Variants in CRPPA observed in about 807,000 individuals in gnomAD.
CRPPA encodes the protein D-ribitol-5-phosphate cytidylyltransferase.
In CRPPA, 43 loss-of-function variants were observed where a neutral mutation model predicts 52.0. That is an observed-to-expected ratio of 0.83 (90% confidence interval 0.65 to 1.07). The LOEUF (loss-of-function observed/expected upper bound fraction) is 1.07. Ranked by LOEUF, CRPPA falls within the 50% of genes least tolerant of loss-of-function variation. The pLI is 0.00. For missense variants in CRPPA, 629 were observed against 551.7 expected, an observed-to-expected ratio of 1.14 and a Z score of -1.40; for synonymous variants, 250 against 203.5, an observed-to-expected ratio of 1.23 and a Z score of -1.94.
intron 8 of CRPPA, among the ~76,000 whole-genome samples, chr7:16,218,999 G>T (rs1172303311): frequency 6.6e-6 from 1 of 152,038 alleles, no homozygotes. Context: ...ATTTTTTTCA[G>T]CACCACACCA....
intron 4 of CRPPA, among the ~76,000 whole-genome samples, chr7:16,303,491 A>AACAAAAAAAAAC (rs1554317852): frequency 8.0e-6 from 1 of 124,936 alleles, no homozygotes; most frequent in Admixed American, 9.9e-5. Flanking sequence ...AAAAAAAAAA[A>AACAAAAAAAAAC]AAAAAAAAAA....
chr7:16,328,488 G>GCTCT (rs111494255), intron 3 of CRPPA, among the ~76,000 whole-genome samples: 68,178 of 151,508 alleles, frequency 0.45, 15,542 homozygotes, highest in South Asian at 0.59. Flanking sequence ...CAGATAAATA[G>GCTCT]CTATCTCCAG....
intron 2 of CRPPA, among the ~76,000 whole-genome samples, chr7:16,396,835 T>C (rs1383875559): frequency 6.6e-6 from 1 of 152,250 alleles, no homozygotes; most frequent in Non-Finnish European, 1.5e-5. Context: ...GAATACGCTA[T>C]ACGTATGTGA....
rs1010230095 is a variant in CRPPA at position 16,308,755 on chromosome 7, C to T, written c.685-128G>A. On this transcript the variant is annotated intron_variant, in intron 3 of 9. Coordinates refer to ENST00000407010, the MANE Select transcript of CRPPA (RefSeq NM_001101426.4). ...GGGGCTCAAACTATTTAATCAGCTA[C>T]TGACTGAGTTATAACATCCCCATTA... is the stretch of plus-strand genomic sequence containing the variant. 2.4e-5 allele frequency: 15 copies of T among 633,076 alleles called. No homozygotes were observed. In the African/African-American group the frequency reaches 2.7e-4, roughly 12 times the overall value. 39.2% of individuals were successfully genotyped at this position (633,076 alleles called of 1,614,324 possible).
chr7:16,379,749 C>A (rs1475115744), intron 2 of CRPPA, among the ~76,000 whole-genome samples: 2 of 152,116 alleles, frequency 1.3e-5, no homozygotes, highest in Non-Finnish European at 2.9e-5. Context: ...TCCTTTGAAG[C>A]AATTGTGAAT....
intron 1 of CRPPA, among the ~76,000 whole-genome samples, chr7:16,411,135 A>T (rs531967222): frequency 6.6e-6 from 1 of 152,336 alleles, no homozygotes; most frequent in African/African-American, 2.4e-5. Flanking sequence ...CCAGGCAATC[A>T]ATGTGTAGAA....
chr7:16,119,142 G>A lies in CRPPA; in HGVS notation c.1252-27343C>T, dbSNP rs114935881. On this transcript the variant is annotated intron_variant, in intron 9 of 9. Transcript: ENST00000407010. ...AACCCACATTTTCCAACCCTTGACC[G>A]TCCTAGATTCATCACTTAACTGCTT... is the stretch of plus-strand genomic sequence containing the variant. Among the ~76,000 whole-genome samples, 445 of 152,096 alleles carry A rather than the reference G, an allele frequency of 2.9e-3. 2 individuals carry two copies. The highest frequency in any genetic ancestry group is 9.9e-3 in the African/African-American group (412 of 41,520).
At chr7:16,182,654 T>C (rs78184171) in intron 9 of CRPPA, among the ~76,000 whole-genome samples, 2 of 152,210 alleles carry the variant, frequency 1.3e-5, no homozygotes, top group South Asian at 4.1e-4. Flanking sequence ...CCCAAATAAC[T>C]GTATTTGTTT....
chr7:16,093,461 G>A (rs1781877581), intron 9 of CRPPA, among the ~76,000 whole-genome samples: 1 of 152,150 alleles, frequency 6.6e-6, no homozygotes, highest in African/African-American at 2.4e-5. Flanking sequence ...CTATGAGGAT[G>A]ACGGTGAGAG....
rs73291855 is a variant in CRPPA, at chr7:16,120,348, T to A, written c.1252-28549A>T. Among the ~76,000 whole-genome samples the A allele has an allele frequency of 3.0e-3, 451 of 152,268 alleles. 2 individuals carry two copies. Among genetic ancestry groups the A allele is most frequent in the African/African-American group, 0.011 (439 of 41,574 alleles). Reference sequence around the variant, plus strand: ...CCACCATCTTCCAGGTGCTATCTCATCACCCTGGTCTGCCTTCAATAAGAA... The same window carrying A: ...CCACCATCTTCCAGGTGCTATCTCAACACCCTGGTCTGCCTTCAATAAGAA... On this transcript the variant is annotated intron_variant, in intron 9 of 9. Coordinates refer to ENST00000407010, the MANE Select transcript of CRPPA (RefSeq NM_001101426.4).
chr7:16,327,510 G>A (rs1042851668), intron 3 of CRPPA, among the ~76,000 whole-genome samples: 3 of 148,970 alleles, frequency 2.0e-5, no homozygotes, highest in African/African-American at 7.4e-5. Flanking sequence ...GGAGAATGGC[G>A]TGAACCTGGG....
Position 16,212,973 on chromosome 7 carries a change from T to C in CRPPA, c.1251+3093A>G, listed in dbSNP as rs149906383. 6.6e-5 allele frequency among the ~76,000 whole-genome samples: 10 copies of C among 152,358 alleles called. No individual in the cohort carries two copies. In the East Asian group the frequency reaches 1.9e-3, roughly 29 times the overall value. On this transcript the variant is annotated intron_variant, in intron 9 of 9. Coordinates refer to ENST00000407010, the MANE Select transcript of CRPPA (RefSeq NM_001101426.4). Reference sequence around the variant, plus strand: ...TGCACAGGTTAAAGATAAAACTGCTTACAGCACTTTAGATATTTTACAGGC... The same window carrying C: ...TGCACAGGTTAAAGATAAAACTGCTCACAGCACTTTAGATATTTTACAGGC...
At chr7:16,231,977 G>A (rs1046847797) in intron 8 of CRPPA, among the ~76,000 whole-genome samples, 3 of 152,266 alleles carry the variant, frequency 2.0e-5, no homozygotes, top group Admixed American at 6.5e-5. Context: ...GAGAGATGAA[G>A]TTAAGAATCT....
intron 9 of CRPPA, among the ~76,000 whole-genome samples, chr7:16,207,259 C>T (rs1036076869): frequency 6.6e-6 from 1 of 152,176 alleles, no homozygotes; most frequent in African/African-American, 2.4e-5. Flanking sequence ...AAATCACTTA[C>T]CTTTGCTCTA....
chr7:16,382,705 T>G (rs571467152), intron 2 of CRPPA, among the ~76,000 whole-genome samples: 1 of 152,156 alleles, frequency 6.6e-6, no homozygotes, highest in Non-Finnish European at 1.5e-5. Context: ...TTATTCTTTT[T>G]TCTCTAAACT....
intron 3 of CRPPA, among the ~76,000 whole-genome samples, chr7:16,351,103 A>T (rs951084212): frequency 1.3e-5 from 2 of 152,156 alleles, no homozygotes; most frequent in African/African-American, 4.8e-5. Flanking sequence ...ATATAAAGCA[A>T]ACACTAAGAG....
At chr7:16,379,977 T>G (rs974202005) in intron 2 of CRPPA, among the ~76,000 whole-genome samples, 1 of 152,004 alleles carries the variant, frequency 6.6e-6, no homozygotes, top group Non-Finnish European at 1.5e-5. Context: ...TGAATACCCT[T>G]TATTTCCTTC....
intron 2 of CRPPA, among the ~76,000 whole-genome samples, chr7:16,387,044 GATATATAT>G (rs57024916): frequency 0.14 from 13,276 of 95,564 alleles, 946 homozygotes; most frequent in Non-Finnish European, 0.17. Context: ...ATAAAAAAAA[GATATATAT>G]ATATATATAT....
intron 3 of CRPPA, among the ~76,000 whole-genome samples, chr7:16,354,412 T>TA (rs1416190963): frequency 6.6e-6 from 1 of 152,192 alleles, no homozygotes; most frequent in Non-Finnish European, 1.5e-5. Flanking sequence ...AGGTATGCAG[T>TA]AAGTAGACTA....
Sources: allele counts gnomAD v4.1 joint callset (sites outside exome capture counted in the v4.1 genomes callset), GRCh38; gene constraint gnomAD v4.1.1; transcripts MANE v1.5; gene names NCBI Gene and HGNC (gene_info 2026-07-23, HGNC 2026-07-21).